The following GPIHBP1 variants were observed in gnomAD, a reference collection of about 807,000 sequenced individuals.
The protein encoded by GPIHBP1 is glycosylphosphatidylinositol-anchored high density lipoprotein-binding protein 1.
Under a neutral mutation model 13.0 loss-of-function variants are expected in GPIHBP1, and 11 were observed. The ratio of observed to expected loss-of-function variants is 0.84; its 90% CI spans 0.53 to 1.40. GPIHBP1 has a LOEUF of 1.40. GPIHBP1 is among the 40% of genes most tolerant of loss of function. The pLI is 0.00. For missense variants in GPIHBP1, 231 were observed against 241.1 expected, an observed-to-expected ratio of 0.96 and a Z score of 0.28; for synonymous variants, 106 against 102.2, an observed-to-expected ratio of 1.04 and a Z score of -0.22.
In GPIHBP1 at chr8:143,216,133, A is replaced by T. The variant is rs1816307463; in HGVS notation, c.*615A>T. On this transcript the variant is annotated 3_prime_UTR_variant, in exon 4 of 4. Transcript: ENST00000622500. ...GGGGGGGCTGGGGGGACAGGCACCAAGTATGAAGAGGATGGGGCCAGCGGG... is the reference window on the plus strand; with the variant it reads ...GGGGGGGCTGGGGGGACAGGCACCATGTATGAAGAGGATGGGGCCAGCGGG... 6.5e-6 allele frequency: 1 copy of T among 153,316 alleles called. No homozygotes were observed. 9.5% of individuals were successfully genotyped at this position (153,316 alleles called of 1,614,324 possible).
In GPIHBP1 at chr8:143,213,298, C is replaced by T. The variant is rs370545732; in HGVS notation, c.31C>T (p.Leu11Phe). Residue 11 changes from leucine (L) to phenylalanine (F), a missense_variant, in exon 1 of 4, where the codon CTC becomes TTC. Leu to Phe is a conservative substitution (Grantham distance 22). Transcript: ENST00000622500. Reference sequence around the variant, plus strand: ...GGCGCTCGGGGCTGTCCTGCTTGCCCTCTTGCTGTTCGGGCGGCCAGGTGC... The same window carrying T: ...GGCGCTCGGGGCTGTCCTGCTTGCCTTCTTGCTGTTCGGGCGGCCAGGTGC... The part of the protein sequence containing the change: MKALGAVLLA[L>F]LLFGRPGRGQ... 367 of 1,597,952 alleles carry T rather than the reference C, an allele frequency of 2.3e-4. No homozygotes were observed. Among genetic ancestry groups the T allele is most frequent in the Non-Finnish European group, 3.0e-4 (356 of 1,176,536 alleles).
chr8:143,213,802 A>T lies in GPIHBP1; in HGVS notation c.53-20A>T, dbSNP rs369999038. 6.4e-7 allele frequency: 1 copy of T among 1,574,524 alleles called. No homozygotes were observed. On this transcript the variant is annotated intron_variant, in intron 1 of 3. Transcript: ENST00000622500. Reference sequence around the variant, plus strand: ...CCATACCCGGGTAGCTGAGGCTTACAAGCATCCCTGCACGGCCAGGGAGAG... The same window carrying T: ...CCATACCCGGGTAGCTGAGGCTTACTAGCATCCCTGCACGGCCAGGGAGAG...
At position 143,216,109 on chromosome 8, in the gene GPIHBP1, G is replaced by C. The variant is rs563341575; in HGVS notation, c.*591G>C. 3,731 of 150,594 alleles carry C rather than the reference G, an allele frequency of 0.025. 73 individuals carry two copies. Among genetic ancestry groups the C allele is most frequent in the Non-Finnish European group, 0.038 (2,577 of 67,864 alleles). 9.3% of individuals were successfully genotyped at this position (150,594 alleles called of 1,614,324 possible). ...GCCACATGCGGAGGGGCGGGGCGGG[G>C]GGGGGCTGGGGGGACAGGCACCAAG... is the stretch of plus-strand genomic sequence containing the variant. On this transcript the variant is annotated 3_prime_UTR_variant, in exon 4 of 4. Coordinates refer to ENST00000622500, the MANE Select transcript of GPIHBP1 (RefSeq NM_178172.6).
rs538358896 is a variant in GPIHBP1, at chr8:143,215,020, G to A, written c.189G>A (p.Leu63=). ...AGCCCGCCTTGTCCCCAGTGCTGCTGCGGTGCTACACCTGCAAGTCCCTGC... is the reference window on the plus strand; with the variant it reads ...AGCCCGCCTTGTCCCCAGTGCTGCTACGGTGCTACACCTGCAAGTCCCTGC... ...RLPGGRSRVL[L]RCYTCKSLPR... The change falls in exon 3 of 4, where the codon CTG becomes CTA. Residue 63 remains leucine (L), a synonymous_variant. Transcript: ENST00000622500. 2.5e-6 allele frequency: 4 copies of A among 1,573,246 alleles called. No individual in the cohort carries two copies. In the South Asian group the frequency reaches 4.6e-5, roughly 18 times the overall value.
rs760739961 is a variant in GPIHBP1 at position 143,213,348 on chromosome 8, AG to A, written c.52+34del. ...CGGGGCAAAGGGTAACCCTGCGGTG[AG>A]GGGGCAGCAACAGCAGTCCTGGAGC... On this transcript the variant is annotated intron_variant, in intron 1 of 3. Coordinates refer to ENST00000622500, the MANE Select transcript of GPIHBP1 (RefSeq NM_178172.6). The A allele has an allele frequency of 5.1e-4, 802 of 1,569,306 alleles. 3 individuals carry two copies. The highest frequency in any genetic ancestry group is 6.0e-4 in the Non-Finnish European group (698 of 1,158,810).
chr8:143,214,863 A>C lies in GPIHBP1; in HGVS notation c.182-150A>C. ...GCACACAGCACAGCTTACAGGACCA[A>C]GTCAGGGGTCGCCCGCCCATCTGAG... is the stretch of plus-strand genomic sequence containing the variant. On this transcript the variant is annotated intron_variant, in intron 2 of 3. Transcript: ENST00000622500. This position sits in a 1 kb window ranked among gnomAD's most constrained non-coding sequence, Gnocchi z 4.1. The C allele has an allele frequency of 1.6e-6, 1 of 636,488 alleles. No individual in the cohort carries two copies. The allele number at this position is 636,488 out of a possible 1,614,324, so 39.4% of individuals were successfully genotyped here.
rs1474242869 is a variant in GPIHBP1 at position 143,214,063 on chromosome 8, C to A, written c.181+113C>A. On this transcript the variant is annotated intron_variant, in intron 2 of 3. Coordinates refer to ENST00000622500, the MANE Select transcript of GPIHBP1 (RefSeq NM_178172.6). This position sits in a 1 kb window ranked among gnomAD's most constrained non-coding sequence, Gnocchi z 4.1. ...AGTCCTGCTGTGAGCTTGCCTCCAG[C>A]AGAGTGGGGGACACTCAGTACACCC... The A allele has an allele frequency of 5.1e-6, 7 of 1,381,808 alleles. No homozygotes were observed. Among genetic ancestry groups the A allele is most frequent in the Non-Finnish European group, 6.0e-6 (6 of 1,001,290 alleles). 85.6% of individuals were successfully genotyped at this position (1,381,808 alleles called of 1,614,324 possible). A position where few individuals can be genotyped will look rare whatever the true frequency, so the allele number is the denominator to read the frequency against.
intron 1 of GPIHBP1, 120 bp downstream of exon 1, chr8:143,213,439 C>T (rs1373562446): frequency 1.2e-6 from 1 of 844,544 alleles, no homozygotes; most frequent in South Asian, 1.5e-5. Flanking sequence ...CTGGAGTCCC[C>T]AGCCCAGAGC....
chr8:143,215,797 G>A lies in GPIHBP1; in HGVS notation c.*279G>A. On this transcript the variant is annotated 3_prime_UTR_variant, in exon 4 of 4. Transcript: ENST00000622500. The stretch of plus-strand genomic sequence containing the variant: ...CCCAGGACCTGCAGCCCTCATGGGG[G>A]CTGGGGATCCCCATCAGCACAGCCA... 1.9e-6 allele frequency: 1 copy of A among 533,914 alleles called. No homozygotes were observed. The highest frequency in any genetic ancestry group is 3.3e-6 in the Non-Finnish European group (1 of 299,218). The allele number at this position is 533,914 out of a possible 1,614,324, so 33.1% of individuals were successfully genotyped here.
chr8:143,213,237 C>G lies in GPIHBP1; in HGVS notation c.-31C>G. On this transcript the variant is annotated 5_prime_UTR_variant, in exon 1 of 4. Transcript: ENST00000622500. ...AGCTCCAGAGCCCTGCGGGAGGACT[C>G]AGAGTCAGGGACACAGCAGCGTCCG... 6.3e-7 allele frequency: 1 copy of G among 1,581,474 alleles called. No homozygotes were observed. Among genetic ancestry groups the G allele is most frequent in the Non-Finnish European group, 8.6e-7 (1 of 1,167,634 alleles).
Position 143,215,652 on chromosome 8 carries a change from G to A in GPIHBP1, c.*134G>A. 1 of 745,030 alleles carries A rather than the reference G, an allele frequency of 1.3e-6. No homozygotes were observed. 46.2% of individuals were successfully genotyped at this position (745,030 alleles called of 1,614,324 possible). On this transcript the variant is annotated 3_prime_UTR_variant, in exon 4 of 4. Coordinates refer to ENST00000622500, the MANE Select transcript of GPIHBP1 (RefSeq NM_178172.6). ...TGTCTTGGGCGATCCAGCCAGCGCA[G>A]GCCCCCCGGCCCGGTTGCTTCCTCA...
rs769694871 is a variant in GPIHBP1, at chr8:143,214,306, G to A, written c.181+356G>A. ...GGCAGAGAGAGCAGCAGGGTGGGCCGGTCCTGTACAGGGGAGGGCTGGATT... is the reference window on the plus strand; with the variant it reads ...GGCAGAGAGAGCAGCAGGGTGGGCCAGTCCTGTACAGGGGAGGGCTGGATT... On this transcript the variant is annotated intron_variant, in intron 2 of 3. Coordinates refer to ENST00000622500, the MANE Select transcript of GPIHBP1 (RefSeq NM_178172.6). This position sits in a 1 kb window ranked among gnomAD's most constrained non-coding sequence, Gnocchi z 4.1. Among the ~76,000 whole-genome samples, 35 of 152,014 alleles carry A rather than the reference G, an allele frequency of 2.3e-4. No homozygotes were observed. The highest frequency in any genetic ancestry group is 4.6e-4 in the Non-Finnish European group (31 of 67,990).
chr8:143,214,062 G>A lies in GPIHBP1; in HGVS notation c.181+112G>A. On this transcript the variant is annotated intron_variant, in intron 2 of 3. Transcript: ENST00000622500. The surrounding 1 kb of genome is among the most constrained non-coding windows in gnomAD (Gnocchi z 4.1). ...CAGTCCTGCTGTGAGCTTGCCTCCAGCAGAGTGGGGGACACTCAGTACACC... is the reference window on the plus strand; with the variant it reads ...CAGTCCTGCTGTGAGCTTGCCTCCAACAGAGTGGGGGACACTCAGTACACC... 7.2e-7 allele frequency: 1 copy of A among 1,383,338 alleles called. No individual in the cohort carries two copies. The highest frequency in any genetic ancestry group is 1.0e-6 in the Non-Finnish European group (1 of 1,002,640). The allele number at this position is 1,383,338 out of a possible 1,614,324, so 85.7% of individuals were successfully genotyped here.
At chr8:143,215,175 GCCAGGGGC>G in intron 3 of GPIHBP1, 49 bp downstream of exon 3, 1 of 1,610,802 alleles carries the variant, frequency 6.2e-7, no homozygotes, top group Non-Finnish European at 8.5e-7. Context: ...CGGCGGGAAA[GCCAGGGGC>G]CCGGAACAGA....
In GPIHBP1 at chr8:143,213,958, C is replaced by T. The variant is rs1279756119; in HGVS notation, c.181+8C>T. On this transcript the variant is annotated splice_region_variant and intron_variant, in intron 2 of 3. Transcript: ENST00000622500. ...CTGGTGGCAGGAGCAGAGGTATGGC[C>T]GCCCCAACCCCAGAGCCCTGCTGCC... The T allele has an allele frequency of 1.4e-5, 21 of 1,550,070 alleles. No homozygotes were observed. The East Asian group carries it at 1.5e-4, about 11-fold the overall frequency.
Position 143,213,964 on chromosome 8 carries a change from A to T in GPIHBP1, c.181+14A>T, listed in dbSNP as rs1177066381. 2.6e-6 allele frequency: 4 copies of T among 1,550,026 alleles called. No homozygotes were observed. The highest frequency in any genetic ancestry group is 3.5e-6 in the Non-Finnish European group (4 of 1,146,718). ...GCAGGAGCAGAGGTATGGCCGCCCC[A>T]ACCCCAGAGCCCTGCTGCCTGATCT... On this transcript the variant is annotated intron_variant, in intron 2 of 3. Coordinates refer to ENST00000622500, the MANE Select transcript of GPIHBP1 (RefSeq NM_178172.6).
chr8:143,216,456 C>G lies in GPIHBP1; in HGVS notation c.*938C>G, dbSNP rs1020002755. On this transcript the variant is annotated 3_prime_UTR_variant, in exon 4 of 4. Coordinates refer to ENST00000622500, the MANE Select transcript of GPIHBP1 (RefSeq NM_178172.6). The stretch of plus-strand genomic sequence containing the variant: ...TGGCCTGCCCTCTAGACTCCAGTCC[C>G]CAAGCCCTCAGCCTAGTGGGTGTCA... 6.6e-6 allele frequency: 1 copy of G among 152,190 alleles called. No individual in the cohort carries two copies. Among genetic ancestry groups the G allele is most frequent in the Non-Finnish European group, 1.5e-5 (1 of 68,054 alleles). 9.4% of individuals were successfully genotyped at this position (152,190 alleles called of 1,614,324 possible).
Position 143,216,196 on chromosome 8 carries a change from C to T in GPIHBP1, c.*678C>T, listed in dbSNP as rs1816308950. ...ATGGCGTGAGCACCGCTATGGGAGA[C>T]CCTGGCTTGGAAAGTGAACTTGCAG... On this transcript the variant is annotated 3_prime_UTR_variant, in exon 4 of 4. Transcript: ENST00000622500. 1 of 152,658 alleles carries T rather than the reference C, an allele frequency of 6.6e-6. No individual in the cohort carries two copies. Among genetic ancestry groups the T allele is most frequent in the Non-Finnish European group, 1.5e-5 (1 of 68,528 alleles). 9.5% of individuals were successfully genotyped at this position (152,658 alleles called of 1,614,324 possible).
chr8:143,215,629 T>C lies in GPIHBP1; in HGVS notation c.*111T>C. The C allele has an allele frequency of 1.0e-6, 1 of 966,292 alleles. No homozygotes were observed. Among genetic ancestry groups the C allele is most frequent in the Non-Finnish European group, 1.5e-6 (1 of 662,340 alleles). The allele number at this position is 966,292 out of a possible 1,614,324, so 59.9% of individuals were successfully genotyped here. ...AGCTTTGGAGAATGGATTTGGAGTG[T>C]CTTGGGCGATCCAGCCAGCGCAGGC... On this transcript the variant is annotated 3_prime_UTR_variant, in exon 4 of 4. Transcript: ENST00000622500.
Sources: gnomAD v4.1 joint callset for allele counts (sites outside exome capture counted in the v4.1 genomes callset) on GRCh38, gnomAD v4.1.1 for gene constraint, Gnocchi (gnomAD v3.1) non-coding constraint, MANE v1.5 for transcripts, NCBI Gene and HGNC (gene_info 2026-07-23, HGNC 2026-07-21) for gene names.